Variants in DPH6 observed in about 807,000 individuals in gnomAD.
DPH6 encodes diphthamine biosynthesis 6, also known as diphthine--ammonia ligase.
DPH6 carries 33 observed loss-of-function variants against 38.2 expected under a neutral mutation model. That is an observed-to-expected ratio of 0.86 (90% CI 0.65 to 1.15). The LOEUF is 1.15. DPH6 is among the 50% of genes most tolerant of loss of function. The probability of loss-of-function intolerance (pLI) is 0.00; values close to 1 mark genes in which losing one functional copy is unlikely to be tolerated. For synonymous variants in DPH6, 108 were observed against 103.0 expected (o/e 1.05, Z -0.30); for missense variants, 325 against 320.0 (o/e 1.02, Z -0.12).
the DPH6 span, among the ~76,000 whole-genome samples, chr15:35,210,837 A>G: frequency 6.6e-6 from 1 of 152,132 alleles, no homozygotes; most frequent in Middle Eastern, 3.4e-3. Context: ...TCAGGTCATG[A>G]AAGCAAGATT....
chr15:35,467,082 CTT>C (rs1416113774), intron 3 of DPH6, among the ~76,000 whole-genome samples: 4 of 151,992 alleles, frequency 2.6e-5, no homozygotes, highest in African/African-American at 4.8e-5. Flanking sequence ...ATAAATTAAA[CTT>C]AGCTTACTGT....
the DPH6 span, among the ~76,000 whole-genome samples, chr15:35,164,181 C>G: frequency 6.6e-6 from 1 of 151,734 alleles, no homozygotes; most frequent in Non-Finnish European, 1.5e-5. Flanking sequence ...TGTTAACGGC[C>G]ACCTAATATA....
At chr15:35,531,287 G>A (rs1416008836) in intron 3 of DPH6, among the ~76,000 whole-genome samples, 3 of 152,168 alleles carry the variant, frequency 2.0e-5, no homozygotes, top group South Asian at 2.1e-4. Context: ...AAAGTAGTGT[G>A]CAGAAGGAAA....
the DPH6 span, among the ~76,000 whole-genome samples, chr15:35,171,859 ATTCTT>A: frequency 0.07 from 10,619 of 151,012 alleles, 525 homozygotes; most frequent in East Asian, 0.29. Context: ...ATATATATAT[ATTCTT>A]TATTTTTATT....
intron 3 of DPH6, among the ~76,000 whole-genome samples, chr15:35,301,590 T>G (rs1404842753): frequency 6.6e-6 from 1 of 152,234 alleles, no homozygotes; most frequent in Non-Finnish European, 1.5e-5. Context: ...TTAGGTCTTA[T>G]ATTAGGGCTT....
intron 3 of DPH6, chr15:35,489,763 G>T (rs191524484): frequency 9.2e-6 from 9 of 982,510 alleles, no homozygotes; most frequent in African/African-American, 1.7e-5. Flanking sequence ...AAAGTATTTT[G>T]CCTTAGGAGG....
chr15:35,469,429 G>C (rs1452321688), intron 3 of DPH6, among the ~76,000 whole-genome samples: 1 of 152,090 alleles, frequency 6.6e-6, no homozygotes, highest in Non-Finnish European at 1.5e-5. Context: ...TTAAAAGCAA[G>C]GAACCCTAAA....
chr15:35,522,052 A>G (rs774301739), intron 3 of DPH6: 161 of 1,591,268 alleles, frequency 1.0e-4, no homozygotes, highest in Non-Finnish European at 1.3e-4. Flanking sequence ...CTAAGTTTTT[A>G]AACAGGAAAA....
the DPH6 span, among the ~76,000 whole-genome samples, chr15:35,209,366 A>G: frequency 2.0e-5 from 3 of 152,194 alleles, no homozygotes; most frequent in African/African-American, 7.2e-5. Context: ...AGTATAAATT[A>G]TGGCATAATC....
chr15:35,293,078 C>T (rs1048711691), intron 3 of DPH6, among the ~76,000 whole-genome samples: 1 of 152,040 alleles, frequency 6.6e-6, no homozygotes, highest in Non-Finnish European at 1.5e-5. Flanking sequence ...GAACCATTAG[C>T]AAGAAATATT....
chr15:35,536,382 T>C (rs1046970496), intron 3 of DPH6, among the ~76,000 whole-genome samples: 1 of 152,050 alleles, frequency 6.6e-6, no homozygotes, highest in African/African-American at 2.4e-5. Context: ...CTTGATAACA[T>C]ATCTTTCAAC....
intron 3 of DPH6, among the ~76,000 whole-genome samples, chr15:35,360,609 C>T (rs1199921421): frequency 6.6e-6 from 1 of 152,154 alleles, no homozygotes; most frequent in Non-Finnish European, 1.5e-5. Flanking sequence ...CAGGCCATAG[C>T]AGAGTGGAAA....
At chr15:35,543,618 G>A (rs1020845110) in intron 1 of DPH6, among the ~76,000 whole-genome samples, 1 of 152,000 alleles carries the variant, frequency 6.6e-6, no homozygotes, top group African/African-American at 2.4e-5. Flanking sequence ...AAGAAACTGA[G>A]CACCTCAGAA....
At chr15:35,358,016 C>A (rs112588951) in intron 3 of DPH6, among the ~76,000 whole-genome samples, 1 of 152,108 alleles carries the variant, frequency 6.6e-6, no homozygotes, top group African/African-American at 2.4e-5. Context: ...CTCAGGAACA[C>A]GAATTATTCT....
At chr15:35,279,870 C>A (rs1037642240) in intron 3 of DPH6, among the ~76,000 whole-genome samples, 5 of 152,122 alleles carry the variant, frequency 3.3e-5, no homozygotes, top group Non-Finnish European at 5.9e-5. Context: ...TATTTGGAGT[C>A]AGCTTTTAGA....
the DPH6 span, among the ~76,000 whole-genome samples, chr15:35,189,710 A>G: frequency 3.9e-5 from 6 of 152,224 alleles, no homozygotes; most frequent in South Asian, 1.2e-3. Flanking sequence ...AATTGGCTAT[A>G]GACAGATTAA....
intron 3 of DPH6, among the ~76,000 whole-genome samples, chr15:35,259,632 T>C (rs775882772): frequency 2.2e-4 from 34 of 152,232 alleles, no homozygotes; most frequent in South Asian, 4.1e-4. Flanking sequence ...CAATGTTTAC[T>C]ACACAGAATG....
the DPH6 span, among the ~76,000 whole-genome samples, chr15:35,197,242 T>A: frequency 6.6e-6 from 1 of 152,264 alleles, no homozygotes; most frequent in Middle Eastern, 3.4e-3. Flanking sequence ...AACAGGGAAA[T>A]CTACAATAAA....
the DPH6 span, among the ~76,000 whole-genome samples, chr15:35,211,666 A>G: frequency 6.6e-6 from 1 of 152,226 alleles, no homozygotes; most frequent in Non-Finnish European, 1.5e-5. Flanking sequence ...TGGTTTTTAA[A>G]AAAACACTAT....
Sources: gnomAD v4.1 joint callset for allele counts (sites outside exome capture counted in the v4.1 genomes callset) on GRCh38, gnomAD v4.1.1 for gene constraint, MANE v1.5 for transcripts, NCBI Gene and HGNC (gene_info 2026-07-23, HGNC 2026-07-21) for gene names.